MAMDC2: variants seen among roughly 807,000 people sequenced by gnomAD.
The protein encoded by MAMDC2 is MAM domain-containing protein 2.
Under a neutral mutation model 89.8 loss-of-function variants are expected in MAMDC2, and 57 were observed. That is an observed-to-expected ratio of 0.63 (90% CI 0.51 to 0.79). MAMDC2 has a LOEUF of 0.79. Ranked by LOEUF, MAMDC2 falls within the 30% of genes least tolerant of loss-of-function variation. The pLI, the probability that MAMDC2 is intolerant of heterozygous loss-of-function variation, is 0.00. For missense variants in MAMDC2, 800 were observed against 820.6 expected (o/e 0.97, Z 0.31); for synonymous variants, 313 against 293.4 (o/e 1.07, Z -0.68).
intron 11 of MAMDC2, among the ~76,000 whole-genome samples, chr9:70,210,519 ATG>A (rs1564001099): frequency 6.6e-6 from 1 of 152,054 alleles, no homozygotes; most frequent in African/African-American, 2.4e-5. Context: ...TTTTGAGCCT[ATG>A]TGTGTCTTTG....
At chr9:70,203,355 C>A (rs1319676698) in intron 11 of MAMDC2, among the ~76,000 whole-genome samples, 1 of 141,710 alleles carries the variant, frequency 7.1e-6, no homozygotes, top group Non-Finnish European at 1.5e-5. Context: ...GTTGAAAATT[C>A]TTTTCTTTAA....
At chr9:70,198,393 T>C (rs2033021025) in intron 11 of MAMDC2, among the ~76,000 whole-genome samples, 1 of 152,036 alleles carries the variant, frequency 6.6e-6, no homozygotes, top group African/African-American at 2.4e-5. Flanking sequence ...CATTATAATT[T>C]TATTAACATT....
At chr9:70,163,898 G>A (rs919735817) in intron 9 of MAMDC2, among the ~76,000 whole-genome samples, 2 of 142,434 alleles carry the variant, frequency 1.4e-5, no homozygotes, top group South Asian at 2.3e-4. Flanking sequence ...AGGTTGCAGT[G>A]AGCCAAGATC....
intron 11 of MAMDC2, among the ~76,000 whole-genome samples, chr9:70,206,613 T>A (rs548894834): frequency 4.6e-5 from 7 of 152,100 alleles, no homozygotes; most frequent in Admixed American, 2.0e-4. Context: ...TGTTTCATAT[T>A]TTTTTTGGTA....
intron 2 of MAMDC2, among the ~76,000 whole-genome samples, chr9:70,087,896 C>T (rs1230591857): frequency 6.6e-6 from 1 of 152,170 alleles, no homozygotes; most frequent in Non-Finnish European, 1.5e-5. Flanking sequence ...CCCCAAACTG[C>T]TCTCTATTAC....
At chr9:70,123,978 T>C (rs2030406180) in intron 5 of MAMDC2, among the ~76,000 whole-genome samples, 1 of 152,180 alleles carries the variant, frequency 6.6e-6, no homozygotes, top group South Asian at 2.1e-4. Context: ...TGCAGTATTT[T>C]GTGACAGCAG....
chr9:70,051,109 C>T (rs2117982089), intron 2 of MAMDC2, among the ~76,000 whole-genome samples: 1 of 152,322 alleles, frequency 6.6e-6, no homozygotes, highest in Non-Finnish European at 1.5e-5. Context: ...AACCCTTGGC[C>T]TTCCTGTCAA....
intron 2 of MAMDC2, among the ~76,000 whole-genome samples, chr9:70,074,820 C>T (rs1827494751): frequency 6.6e-6 from 1 of 152,190 alleles, no homozygotes; most frequent in South Asian, 2.1e-4. Flanking sequence ...GTTAACAGCA[C>T]CCTTTTCCTA....
intron 11 of MAMDC2, among the ~76,000 whole-genome samples, chr9:70,196,041 T>C (rs1421594343): frequency 6.6e-6 from 1 of 152,046 alleles, no homozygotes; most frequent in East Asian, 1.9e-4. Context: ...TGGCAGAAGA[T>C]GAAGGAAGTA....
At chr9:70,106,416 A>G (rs542765499) in intron 2 of MAMDC2, among the ~76,000 whole-genome samples, 39 of 152,282 alleles carry the variant, frequency 2.6e-4, no homozygotes, top group African/African-American at 8.2e-4. Context: ...ATCTCCCCCA[A>G]TCCAGCCTGC....
intron 2 of MAMDC2, among the ~76,000 whole-genome samples, chr9:70,100,004 GAGAGAGA>G (rs879742130): frequency 0.059 from 8,727 of 149,146 alleles, 829 homozygotes; most frequent in African/African-American, 0.2. Context: ...GAGAGAGAGA[GAGAGAGA>G]GAGAGAGAGA....
intron 11 of MAMDC2, among the ~76,000 whole-genome samples, chr9:70,187,301 T>C (rs1168422724): frequency 2.0e-5 from 3 of 152,104 alleles, no homozygotes; most frequent in Non-Finnish European, 2.9e-5. Flanking sequence ...CTCAGTTCTT[T>C]AGTTTGGGTA....
At chr9:70,220,154 G>A (rs560541116) in intron 12 of MAMDC2, among the ~76,000 whole-genome samples, 5 of 152,292 alleles carry the variant, frequency 3.3e-5, no homozygotes, top group African/African-American at 9.6e-5. Flanking sequence ...ACTCTCAAGC[G>A]ATACTGATGC....
intron 7 of MAMDC2, among the ~76,000 whole-genome samples, chr9:70,137,050 A>C (rs1192000095): frequency 6.6e-6 from 1 of 152,064 alleles, no homozygotes; most frequent in East Asian, 1.9e-4. Flanking sequence ...CTCCTGGTGC[A>C]CTTCCTAGGG....
chr9:70,053,741 T>C (rs1826965182), intron 2 of MAMDC2, among the ~76,000 whole-genome samples: 1 of 152,194 alleles, frequency 6.6e-6, no homozygotes, highest in Admixed American at 6.5e-5. Context: ...ACTTTATCAC[T>C]GGACATTTGT....
chr9:70,220,054 C>T (rs970127142), intron 12 of MAMDC2, among the ~76,000 whole-genome samples: 1 of 152,208 alleles, frequency 6.6e-6, no homozygotes, highest in Non-Finnish European at 1.5e-5. Context: ...CCAGGTGAAT[C>T]TGATGCATGC....
At chr9:70,204,932 C>T (rs549838140) in intron 11 of MAMDC2, among the ~76,000 whole-genome samples, 1 of 152,334 alleles carries the variant, frequency 6.6e-6, no homozygotes, top group Admixed American at 6.5e-5. Flanking sequence ...GGTGCGCACA[C>T]CCACTGGCCT....
chr9:70,183,750 G>A (rs1382798221), intron 11 of MAMDC2, among the ~76,000 whole-genome samples: 1 of 152,000 alleles, frequency 6.6e-6, no homozygotes, highest in African/African-American at 2.4e-5. Context: ...CTTTGCATGT[G>A]AGATGAGTCT....
In MAMDC2 at chr9:70,217,599, G is replaced by A. The variant is rs570574615; in HGVS notation, c.1652-738G>A. 143 of 1,610,872 alleles carry A rather than the reference G, an allele frequency of 8.9e-5. No homozygotes were observed. The Middle Eastern group carries it at 1.4e-3, about 15-fold the overall frequency. On this transcript the variant is annotated intron_variant, in intron 11 of 13. Transcript: ENST00000377182. ...TGGCTACTGCTAAGGCACCTACAAAGGCAGCACCTAAGCAAAAGATTGTGA... is the reference window on the plus strand; with the variant it reads ...TGGCTACTGCTAAGGCACCTACAAAAGCAGCACCTAAGCAAAAGATTGTGA...
Sources: gnomAD v4.1 joint callset for allele counts (sites outside exome capture counted in the v4.1 genomes callset) on GRCh38, gnomAD v4.1.1 for gene constraint, MANE v1.5 for transcripts, NCBI Gene and HGNC (gene_info 2026-07-23, HGNC 2026-07-21) for gene names.